RGMA: variants seen among roughly 807,000 people sequenced by gnomAD.
The protein encoded by RGMA is repulsive guidance molecule BMP co-receptor a.
Under a neutral mutation model 23.2 loss-of-function variants are expected in RGMA, and 10 were observed. That is an observed-to-expected ratio of 0.43 (90% CI 0.27 to 0.73). The LOEUF (loss-of-function observed/expected upper bound fraction) is 0.73, where lower values mean the gene tolerates loss of function less well. Among genes scored for constraint, RGMA ranks in the 30% least tolerant of loss-of-function variants. The pLI is 0.20. For missense variants in RGMA, 547 were observed against 630.5 expected (o/e 0.87, Z 1.42); for synonymous variants, 308 against 279.3 (o/e 1.10, Z -1.03).
chr15:93,065,742 G>T, intron 2 of RGMA: 1 of 1,192,024 alleles, frequency 8.4e-7, no homozygotes. Context: ...CAGCGGGACC[G>T]TGGCTGGGCT....
chr15:93,051,718 C>T lies in RGMA; in HGVS notation c.645+275G>A, dbSNP rs116385992. 7.9e-3 allele frequency among the ~76,000 whole-genome samples: 1,203 copies of T among 152,292 alleles called. 15 individuals are homozygous for T. Among genetic ancestry groups the T allele is most frequent in the African/African-American group, 0.027 (1,140 of 41,562 alleles). On this transcript the variant is annotated intron_variant, in intron 3 of 3. Transcript: ENST00000329082. ...TCTAGCTCAGCATTCCAGCTGACTA[C>T]GCACTTGGGGTGGGAAGGTCACTTG...
rs776631976 is a variant in RGMA at position 93,039,180 on chromosome 15, G to A, written c.*5818C>T. 7 of 152,078 alleles carry A rather than the reference G, an allele frequency of 4.6e-5. No individual in the cohort carries two copies. Among genetic ancestry groups the A allele is most frequent in the Non-Finnish European group, 1.0e-4 (7 of 68,012 alleles). 9.4% of individuals were successfully genotyped at this position (152,078 alleles called of 1,614,324 possible). ...AAGTTCTTCAGCTTTTGGACTCTTG[G>A]ACTTACACTGGTGGTTTGCCAGGGG... On this transcript the variant is annotated 3_prime_UTR_variant, in exon 4 of 4. Coordinates refer to ENST00000329082, the MANE Select transcript of RGMA (RefSeq NM_020211.3).
intron 2 of RGMA, chr15:93,065,654 CG>C: frequency 1.2e-5 from 12 of 1,011,010 alleles, no homozygotes; most frequent in Admixed American, 1.8e-5. Context: ...TGCGGGCTGC[CG>C]GGGGCCGGGG....
intron 1 of RGMA, among the ~76,000 whole-genome samples, chr15:93,080,063 A>T (rs1265608049): frequency 6.6e-6 from 1 of 152,214 alleles, no homozygotes; most frequent in African/African-American, 2.4e-5. Context: ...ATAATTACCA[A>T]GAAGAAAAAA....
At position 93,063,970 on chromosome 15, in the gene RGMA, C is replaced by T. The variant is rs1441227608; in HGVS notation, c.130+8946G>A. On this transcript the variant is annotated intron_variant, in intron 2 of 3. Transcript: ENST00000329082. ...CCCGTGTCACAGCCAGCCAGGGCTG[C>T]TTTGCCCCAGCCTCACTCATACCAA... Among the ~76,000 whole-genome samples the T allele has an allele frequency of 2.6e-5, 4 of 152,186 alleles. No individual in the cohort carries two copies. In the South Asian group the frequency reaches 8.3e-4, roughly 31 times the overall value.
At chr15:93,072,827 T>C (rs1370459323) in intron 2 of RGMA, 89 bp downstream of exon 2, 2 of 1,407,146 alleles carry the variant, frequency 1.4e-6, no homozygotes, top group African/African-American at 1.5e-5. Context: ...CCGGAGAACT[T>C]GAGCCCGGAC....
chr15:93,070,806 T>C (rs1320794396), intron 2 of RGMA, among the ~76,000 whole-genome samples: 2 of 152,254 alleles, frequency 1.3e-5, no homozygotes, highest in Admixed American at 6.5e-5. Context: ...GTTACCGGCC[T>C]TGACGCCAAA....
At chr15:93,073,506 TCCACGAA>T in intron 1 of RGMA, 1 of 1,366,034 alleles carries the variant, frequency 7.3e-7, no homozygotes, top group Admixed American at 2.2e-5. Context: ...CTTAATCCCC[TCCACGAA>T]TATCCAATCC....
At chr15:93,065,774 C>T (rs749151901) in intron 2 of RGMA, 17 of 1,096,204 alleles carry the variant, frequency 1.6e-5, no homozygotes, top group Non-Finnish European at 4.1e-6. Flanking sequence ...TCCCCACCTT[C>T]CGTGGTAGGC....
intron 2 of RGMA, among the ~76,000 whole-genome samples, chr15:93,058,313 G>C (rs920948966): frequency 2.0e-5 from 3 of 152,180 alleles, no homozygotes; most frequent in African/African-American, 7.2e-5. Flanking sequence ...ATCAACTCCA[G>C]CTCCGCCACT....
intron 2 of RGMA, among the ~76,000 whole-genome samples, chr15:93,055,832 G>A (rs145728373): frequency 1.7e-3 from 264 of 152,290 alleles, no homozygotes; most frequent in African/African-American, 5.5e-3. Flanking sequence ...GGGTAACTCC[G>A]CAGCCTCCTG....
rs950217630 is a variant in RGMA, at chr15:93,052,279, G to T, written c.359C>A (p.Pro120His). Residue 120 changes from proline to histidine, a missense_variant, in exon 3 of 4, where the codon CCC becomes CAC. Coordinates refer to ENST00000329082, the MANE Select transcript of RGMA (RefSeq NM_020211.3). Reference sequence around the variant, plus strand: ...CGTGCGCAGGCGTGGCTGCGAGGTGGGGCCATCCTTGGAGCAGTTGTGCTG... The same window carrying T: ...CGTGCGCAGGCGTGGCTGCGAGGTGTGGCCATCCTTGGAGCAGTTGTGCTG... ...MSQHNCSKDG[P>H]TSQPRLRTLP... 45 of 1,602,538 alleles carry T rather than the reference G, an allele frequency of 2.8e-5. No individual in the cohort carries two copies. In the Middle Eastern group the frequency reaches 6.6e-4, roughly 23 times the overall value.
rs577929115 is a variant in RGMA at position 93,056,707 on chromosome 15, C to A, written c.131-4200G>T. Among the ~76,000 whole-genome samples, 7 of 152,316 alleles carry A rather than the reference C, an allele frequency of 4.6e-5. No homozygotes were observed. In the South Asian group the frequency reaches 1.4e-3, roughly 32 times the overall value. On this transcript the variant is annotated intron_variant, in intron 2 of 3. Transcript: ENST00000329082. Reference sequence around the variant, plus strand: ...TGGGTGGGCTGAGGGCCAGCACAGGCCCTGAAGGGAGGTGTCTGGTTCAAA... The same window carrying A: ...TGGGTGGGCTGAGGGCCAGCACAGGACCTGAAGGGAGGTGTCTGGTTCAAA...
chr15:93,080,617 C>T lies in RGMA; in HGVS notation c.15-7586G>A, dbSNP rs78911201. ...ATCCTCTTGCTCTGAACAGAAGCAA[C>T]GACTCCCTCTGTGCTCCCTTTGACC... On this transcript the variant is annotated intron_variant, in intron 1 of 3. Transcript: ENST00000329082. 4.0e-3 allele frequency among the ~76,000 whole-genome samples: 605 copies of T among 152,258 alleles called. 13 individuals are homozygous for T. Among genetic ancestry groups the T allele is most frequent in the Admixed American group, 0.028 (422 of 15,288 alleles).
intron 1 of RGMA, among the ~76,000 whole-genome samples, chr15:93,078,702 T>G (rs1360294144): frequency 6.6e-6 from 1 of 152,244 alleles, no homozygotes. Flanking sequence ...GCTCACCTTC[T>G]GCAGTTCTGA....
intron 1 of RGMA, among the ~76,000 whole-genome samples, chr15:93,081,175 A>G (rs1437813547): frequency 6.6e-6 from 1 of 152,036 alleles, no homozygotes; most frequent in Non-Finnish European, 1.5e-5. Context: ...CTCAATCTGC[A>G]GAATCACAGC....
chr15:93,080,664 C>G (rs994518998), intron 1 of RGMA, among the ~76,000 whole-genome samples: 1 of 152,234 alleles, frequency 6.6e-6, no homozygotes, highest in African/African-American at 2.4e-5. Context: ...AGGCTCAGTT[C>G]AGGCTGGGCT....
chr15:93,047,652 G>A (rs527445537), intron 3 of RGMA, among the ~76,000 whole-genome samples: 39 of 151,628 alleles, frequency 2.6e-4, no homozygotes, highest in African/African-American at 8.7e-4. Context: ...ACCCCAACCT[G>A]GCCTCAGAGG....
At chr15:93,086,269 G>A (rs983778098) in intron 1 of RGMA, among the ~76,000 whole-genome samples, 16 of 152,222 alleles carry the variant, frequency 1.1e-4, no homozygotes, top group African/African-American at 3.9e-4. Context: ...CCTGTAAGGA[G>A]TAGTGTCATT....
Sources: gnomAD v4.1 joint callset for allele counts (sites outside exome capture counted in the v4.1 genomes callset) on GRCh38, gnomAD v4.1.1 for gene constraint, MANE v1.5 for transcripts, NCBI Gene and HGNC (gene_info 2026-07-23, HGNC 2026-07-21) for gene names.